Variants in AIG1 observed in about 807,000 individuals in gnomAD.
AIG1 encodes the protein androgen-induced gene 1 protein.
A neutral mutation model predicts 31.4 loss-of-function variants in AIG1; 23 were observed. The observed-to-expected ratio is 0.73, with a 90% CI of 0.53 to 1.04. The LOEUF (loss-of-function observed/expected upper bound fraction) is 1.04, where lower values mean the gene tolerates loss of function less well. Ranked by LOEUF, AIG1 falls within the 50% of genes least tolerant of loss-of-function variation. The pLI, the probability that AIG1 is intolerant of heterozygous loss-of-function variation, is 0.00. For missense variants in AIG1, 274 were observed against 295.0 expected (o/e 0.93, Z 0.52); for synonymous variants, 100 against 110.5 (o/e 0.90, Z 0.60).
chr6:143,336,933 A>G (rs1466105839), intron 5 of AIG1, among the ~76,000 whole-genome samples: 1 of 152,210 alleles, frequency 6.6e-6, no homozygotes, highest in Non-Finnish European at 1.5e-5. Flanking sequence ...GGAAAAAAAA[A>G]GAAAGAATCA....
chr6:143,188,946 A>G (rs1223869837), intron 3 of AIG1: 54 of 983,742 alleles, frequency 5.5e-5, no homozygotes, highest in Middle Eastern at 1.0e-3. Flanking sequence ...TTCCAGACTC[A>G]TCATTTTGTA....
chr6:143,195,296 A>G (rs1790133663), intron 3 of AIG1, among the ~76,000 whole-genome samples: 1 of 152,170 alleles, frequency 6.6e-6, no homozygotes, highest in African/African-American at 2.4e-5. Context: ...TTAGAGAAAT[A>G]AGCAGGAGTT....
At chr6:143,150,048 C>T (rs377571628) in intron 2 of AIG1, among the ~76,000 whole-genome samples, 18 of 152,152 alleles carry the variant, frequency 1.2e-4, no homozygotes, top group African/African-American at 3.4e-4. Flanking sequence ...ACACCTACAC[C>T]GTGAAATATT....
chr6:143,271,023 G>T (rs1402604562), intron 3 of AIG1, among the ~76,000 whole-genome samples: 1 of 152,188 alleles, frequency 6.6e-6, no homozygotes, highest in Non-Finnish European at 1.5e-5. Context: ...GAGACTCATG[G>T]TTCTCTGCTT....
chr6:143,278,613 C>T lies in AIG1; in HGVS notation c.400-5497C>T, dbSNP rs1358792407. 3.3e-5 allele frequency among the ~76,000 whole-genome samples: 5 copies of T among 152,046 alleles called. No individual in the cohort carries two copies. The Middle Eastern group carries it at 0.01, about 312-fold the overall frequency. On this transcript the variant is annotated intron_variant, in intron 3 of 5. Transcript: ENST00000357847. ...CCTCCCAACTAGCTAGGATTACAGG[C>T]GCCTGCCACCAAGCCTGGCTAATTT...
chr6:143,214,367 A>C (rs1791837620), intron 3 of AIG1, among the ~76,000 whole-genome samples: 1 of 152,174 alleles, frequency 6.6e-6, no homozygotes, highest in South Asian at 2.1e-4. Flanking sequence ...ACCTTTCTGA[A>C]CCTCAGTTAC....
At chr6:143,134,744 A>G (rs1783583486) in intron 1 of AIG1, among the ~76,000 whole-genome samples, 1 of 152,076 alleles carries the variant, frequency 6.6e-6, no homozygotes, top group Non-Finnish European at 1.5e-5. Flanking sequence ...AATAGAAACC[A>G]TACTTTGAGT....
intron 3 of AIG1, among the ~76,000 whole-genome samples, chr6:143,275,378 A>G (rs1176469404): frequency 1.3e-5 from 2 of 151,992 alleles, no homozygotes; most frequent in Non-Finnish European, 2.9e-5. Context: ...TTAATATCCA[A>G]ATTTGTTTCT....
intron 1 of AIG1, among the ~76,000 whole-genome samples, chr6:143,084,223 C>T (rs991532104): frequency 2.6e-5 from 4 of 152,170 alleles, no homozygotes; most frequent in Non-Finnish European, 4.4e-5. Context: ...GTCCTGCTAC[C>T]GGCTCATGTG....
At chr6:143,241,353 C>T (rs1794227081) in intron 3 of AIG1, among the ~76,000 whole-genome samples, 1 of 152,164 alleles carries the variant, frequency 6.6e-6, no homozygotes, top group African/African-American at 2.4e-5. Context: ...GCCCTTTTGC[C>T]CCTTGGCCTG....
At chr6:143,188,249 C>T in intron 3 of AIG1, 1 of 988,894 alleles carries the variant, frequency 1.0e-6, no homozygotes, top group African/African-American at 1.7e-5. Context: ...CCTCAGTAGG[C>T]ACACTCATAG....
chr6:143,341,921 T>C (rs1777864966), downstream of AIG1, among the ~76,000 whole-genome samples: 1 of 152,166 alleles, frequency 6.6e-6, no homozygotes, highest in Non-Finnish European at 1.5e-5. Flanking sequence ...ATGAAGGTAC[T>C]AAAAAATTTT....
At chr6:143,161,547 A>G (rs199836268) in intron 2 of AIG1, among the ~76,000 whole-genome samples, 21 of 125,352 alleles carry the variant, frequency 1.7e-4, no homozygotes, top group East Asian at 1.3e-3. Context: ...ATATGTGTGT[A>G]TATATATGTG....
Position 143,120,408 on chromosome 6 carries a change from A to G in AIG1, c.142-16427A>G, listed in dbSNP as rs965509680. On this transcript the variant is annotated intron_variant, in intron 1 of 5. Transcript: ENST00000357847. ...GAGACTGGGTAATTTATAAAGAAAA[A>G]GAGGTTTAATGGACTCACAGATTCA... 4.6e-5 allele frequency among the ~76,000 whole-genome samples: 7 copies of G among 152,210 alleles called. No individual in the cohort carries two copies. In the East Asian group the frequency reaches 5.8e-4, roughly 13 times the overall value.
rs921100168 is a variant in AIG1, at chr6:143,330,778, A to G, written c.516-2504A>G. On this transcript the variant is annotated intron_variant, in intron 4 of 5. Transcript: ENST00000357847. This position sits in a 1 kb window ranked among gnomAD's most constrained non-coding sequence, Gnocchi z 4.4. ...AGCTTAATGGTGTTAAATTGGGGGA[A>G]TATTGCATATTCTCTCCATGGAAAT... Among the ~76,000 whole-genome samples the G allele has an allele frequency of 6.6e-6, 1 of 152,348 alleles. No homozygotes were observed. The highest frequency in any genetic ancestry group is 2.4e-5 in the African/African-American group (1 of 41,584).
intron 3 of AIG1, among the ~76,000 whole-genome samples, chr6:143,267,019 A>G (rs1796204255): frequency 6.6e-6 from 1 of 152,168 alleles, no homozygotes; most frequent in South Asian, 2.1e-4. Context: ...CAGAAAAGCG[A>G]CCCAGTCCTT....
intron 3 of AIG1, among the ~76,000 whole-genome samples, chr6:143,213,657 C>A (rs574056449): frequency 1.1e-3 from 165 of 151,468 alleles, no homozygotes; most frequent in Middle Eastern, 3.4e-3. Flanking sequence ...GCTGAGATTA[C>A]AGGCACCCAC....
rs575036561 is a variant in AIG1 at position 143,250,500 on chromosome 6, C to T, written c.400-33610C>T. The stretch of plus-strand genomic sequence containing the variant: ...ATTATGGCAAAAGAGTGATTATTAA[C>T]ATATGTGGCATAAAGGCACAATTAA... On this transcript the variant is annotated intron_variant, in intron 3 of 5. Transcript: ENST00000357847. Among the ~76,000 whole-genome samples, 183 of 152,272 alleles carry T rather than the reference C, an allele frequency of 1.2e-3. 1 individual carries two copies. Among genetic ancestry groups the T allele is most frequent in the Non-Finnish European group, 1.1e-3 (73 of 68,028 alleles).
intron 3 of AIG1, among the ~76,000 whole-genome samples, chr6:143,171,506 A>T (rs1322409247): frequency 8.0e-6 from 1 of 125,406 alleles, no homozygotes; most frequent in Non-Finnish European, 1.6e-5. Context: ...ATATATATTT[A>T]ATATATATAA....
Sources: allele counts gnomAD v4.1 joint callset (sites outside exome capture counted in the v4.1 genomes callset), GRCh38; gene constraint gnomAD v4.1.1; non-coding constraint Gnocchi (gnomAD v3.1); transcripts MANE v1.5; gene names NCBI Gene and HGNC (gene_info 2026-07-23, HGNC 2026-07-21).